The following PMPCB variants were observed in gnomAD, a reference collection of about 807,000 sequenced individuals.
PMPCB encodes the protein peptidase, mitochondrial processing subunit beta.
In PMPCB, 46 loss-of-function variants were observed where a neutral mutation model predicts 61.5. The ratio of observed to expected loss-of-function variants is 0.75; its 90% CI spans 0.59 to 0.96. The LOEUF is 0.96. PMPCB is among the 40% of genes least tolerant of loss of function. The pLI is 0.00. For missense variants in PMPCB, 590 were observed against 602.4 expected (o/e 0.98, Z 0.22); for synonymous variants, 191 against 201.6 (o/e 0.95, Z 0.44).
chr7:103,313,210 T>G lies in PMPCB; in HGVS notation c.*939T>G, dbSNP rs768383954. 6.8e-7 allele frequency: 1 copy of G among 1,473,416 alleles called. No homozygotes were observed. 91.3% of individuals were successfully genotyped at this position (1,473,416 alleles called of 1,614,324 possible). The stretch of plus-strand genomic sequence containing the variant: ...GCCCATTTCAATCTGGGATGTGTCA[T>G]TTTGAAAATAAACTTGTAGAGATGA... On this transcript the variant is annotated 3_prime_UTR_variant, in exon 13 of 13. Transcript: ENST00000249269.
chr7:103,297,995 C>T (rs1563442959), intron 1 of PMPCB: 2 of 1,111,288 alleles, frequency 1.8e-6, no homozygotes, highest in Non-Finnish European at 2.3e-6. Context: ...ATGAGAGAGC[C>T]TCTGACTTTA....
downstream of PMPCB, chr7:103,315,870 G>A: frequency 6.2e-7 from 1 of 1,605,422 alleles, no homozygotes; most frequent in Non-Finnish European, 8.5e-7. Flanking sequence ...TTTGATGAGG[G>A]TCTGAGAAAT....
At position 103,324,748 on chromosome 7, in the gene PMPCB, G is replaced by A. The variant is rs79801134; in HGVS notation, c.*1432-4183G>A. On this transcript the variant is annotated intron_variant and NMD_transcript_variant, in intron 12 of 12. Coordinates refer to the PMPCB transcript ENST00000444457. ...GGGGCATGAAACAATGCAGGTGTGCGAAAAGTGAGGCCAAAGATAGACTGG... is the reference window on the plus strand; with the variant it reads ...GGGGCATGAAACAATGCAGGTGTGCAAAAAGTGAGGCCAAAGATAGACTGG... 1.6e-3 allele frequency: 695 copies of A among 427,594 alleles called. 5 individuals carry two copies. The highest frequency in any genetic ancestry group is 0.013 in the African/African-American group (644 of 48,426). The allele number at this position is 427,594 out of a possible 1,614,324, so 26.5% of individuals were successfully genotyped here. A position where few individuals can be genotyped will look rare whatever the true frequency, so the allele number is the denominator to read the frequency against.
the PMPCB span, among the ~76,000 whole-genome samples, chr7:103,342,751 G>C: frequency 6.6e-6 from 1 of 151,302 alleles, no homozygotes; most frequent in Non-Finnish European, 1.5e-5. Flanking sequence ...TGGGACTACA[G>C]GCACCCGCCA....
At chr7:103,341,694 A>G in the PMPCB span, 4 of 1,278,210 alleles carry the variant, frequency 3.1e-6, no homozygotes, top group Admixed American at 2.5e-5. Context: ...TTATTAATGG[A>G]AAACTCATAA....
chr7:103,323,674 C>G, intron 12 of PMPCB: 1 of 1,394,094 alleles, frequency 7.2e-7, no homozygotes, highest in Admixed American at 2.5e-5. Context: ...CTAATATAGA[C>G]AGAAATAATA....
Position 103,314,111 on chromosome 7 carries a change from A to G in PMPCB, c.*1840A>G. ...ATATTTGATGGTACCTAAGGTGCCT[A>G]AGAAGCTTTTTTGAAGGTAGCTTTT... is the stretch of plus-strand genomic sequence containing the variant. On this transcript the variant is annotated 3_prime_UTR_variant, in exon 13 of 13. Coordinates refer to ENST00000249269, the MANE Select transcript of PMPCB (RefSeq NM_004279.3). 1 of 985,426 alleles carries G rather than the reference A, an allele frequency of 1.0e-6. No homozygotes were observed. Among genetic ancestry groups the G allele is most frequent in the Non-Finnish European group, 1.2e-6 (1 of 829,918 alleles). The allele number at this position is 985,426 out of a possible 1,614,324, so 61.0% of individuals were successfully genotyped here. A position where few individuals can be genotyped will look rare whatever the true frequency, so the allele number is the denominator to read the frequency against.
chr7:103,321,798 A>C (rs982090080), intron 12 of PMPCB: 5 of 940,392 alleles, frequency 5.3e-6, no homozygotes, highest in Non-Finnish European at 4.6e-6. Context: ...CGGTGAACTG[A>C]GATCGCGCCA....
chr7:103,303,707 G>T, intron 4 of PMPCB, 135 bp from the exon 5 acceptor site: 1 of 607,184 alleles, frequency 1.6e-6, no homozygotes, highest in Non-Finnish European at 2.8e-6. Flanking sequence ...AAGTATATCT[G>T]ATGTTTTTCT....
In PMPCB at chr7:103,314,347, T is replaced by C; in HGVS notation, c.*2076T>C. The stretch of plus-strand genomic sequence containing the variant: ...TATTCAAAAAATGGTGCCAGCTTGC[T>C]GTTTAATGGTACAACTGAAGAGGAA... On this transcript the variant is annotated 3_prime_UTR_variant, in exon 13 of 13. Transcript: ENST00000249269. 3 of 985,444 alleles carry C rather than the reference T, an allele frequency of 3.0e-6. No homozygotes were observed. Among genetic ancestry groups the C allele is most frequent in the Non-Finnish European group, 3.6e-6 (3 of 829,926 alleles). The allele number at this position is 985,444 out of a possible 1,614,324, so 61.0% of individuals were successfully genotyped here.
At chr7:103,316,333 T>A (rs1818053508), downstream of PMPCB, 1 of 322,304 alleles carries the variant, frequency 3.1e-6, no homozygotes, top group African/African-American at 2.1e-5. Flanking sequence ...GGTGTACAAA[T>A]CAACATAAAT....
chr7:103,298,315 CT>C (rs766030020), intron 1 of PMPCB, among the ~76,000 whole-genome samples: 28 of 151,488 alleles, frequency 1.8e-4, no homozygotes, highest in Admixed American at 4.6e-4. Flanking sequence ...CAATTTCTCT[CT>C]GGGTAATGAT....
chr7:103,318,494 A>G (rs150367356), downstream of PMPCB, among the ~76,000 whole-genome samples: 38 of 152,264 alleles, frequency 2.5e-4, no homozygotes, highest in Non-Finnish European at 4.7e-4. Context: ...CCTGGTCACT[A>G]AAACTTGTGG....
chr7:103,340,272 G>A, the PMPCB span, among the ~76,000 whole-genome samples: 1 of 152,082 alleles, frequency 6.6e-6, no homozygotes, highest in Admixed American at 6.6e-5. Flanking sequence ...AGTATCTTCT[G>A]CTGTTTTTCC....
chr7:103,311,216 T>C lies in PMPCB; in HGVS notation c.1155-427T>C, dbSNP rs766807281. On this transcript the variant is annotated intron_variant, in intron 9 of 12. Coordinates refer to ENST00000249269, the MANE Select transcript of PMPCB (RefSeq NM_004279.3). ...AGCTCTGGTTCCTTTCCTCCACTAT[T>C]CTTAATTGGTTTACATCTTTCTAAA... The C allele has an allele frequency of 1.6e-4, 26 of 159,918 alleles. 1 individual carries two copies. Among genetic ancestry groups the C allele is most frequent in the Non-Finnish European group, 3.4e-4 (25 of 73,478 alleles). 9.9% of individuals were successfully genotyped at this position (159,918 alleles called of 1,614,324 possible). A position where few individuals can be genotyped will look rare whatever the true frequency, so the allele number is the denominator to read the frequency against.
At chr7:103,316,198 A>G (rs1818045522), downstream of PMPCB, 2 of 576,246 alleles carry the variant, frequency 3.5e-6, no homozygotes, top group South Asian at 8.0e-5. Context: ...GTACAGAATG[A>G]GCTCAGATTG....
chr7:103,334,798 C>T, the PMPCB span, among the ~76,000 whole-genome samples: 1 of 152,132 alleles, frequency 6.6e-6, no homozygotes, highest in East Asian at 1.9e-4. Context: ...TCAACATATA[C>T]TGCAAGGGTT....
At position 103,312,476 on chromosome 7, in the gene PMPCB, C is replaced by G; in HGVS notation, c.*205C>G. 1 of 1,553,406 alleles carries G rather than the reference C, an allele frequency of 6.4e-7. No individual in the cohort carries two copies. The highest frequency in any genetic ancestry group is 1.2e-5 in the South Asian group (1 of 80,566). The stretch of plus-strand genomic sequence containing the variant: ...GAGAAATTATGTTGGAAGCAGCATA[C>G]TTTCAAATTATTACCATGAGTATAA... On this transcript the variant is annotated 3_prime_UTR_variant, in exon 13 of 13. Transcript: ENST00000249269.
chr7:103,321,487 C>T (rs926204048), intron 12 of PMPCB, among the ~76,000 whole-genome samples: 2 of 151,544 alleles, frequency 1.3e-5, no homozygotes, highest in Non-Finnish European at 2.9e-5. Context: ...CATTGCACTC[C>T]AGACCAGGTG....
Sources: allele counts gnomAD v4.1 joint callset (sites outside exome capture counted in the v4.1 genomes callset), GRCh38; gene constraint gnomAD v4.1.1; transcripts MANE v1.5; gene names NCBI Gene and HGNC (gene_info 2026-07-23, HGNC 2026-07-21).